The following ST8SIA1 variants were observed in gnomAD, a reference collection of about 807,000 sequenced individuals.
ST8SIA1 encodes alpha-N-acetylneuraminide alpha-2,8-sialyltransferase.
ST8SIA1 carries 16 observed loss-of-function variants against 35.9 expected under a neutral mutation model. The ratio of observed to expected loss-of-function variants is 0.45; its 90% CI spans 0.30 to 0.68. The LOEUF is 0.68. ST8SIA1 is among the 30% of genes least tolerant of loss of function. The probability of loss-of-function intolerance (pLI) is 0.09; values close to 1 mark genes in which losing one functional copy is unlikely to be tolerated. For synonymous variants in ST8SIA1, 170 were observed against 169.6 expected (o/e 1.00, Z -0.02); for missense variants, 383 against 453.6 (o/e 0.84, Z 1.41).
intron 1 of ST8SIA1, among the ~76,000 whole-genome samples, chr12:22,292,201 A>G (rs1370643336): frequency 6.6e-6 from 1 of 152,182 alleles, no homozygotes; most frequent in Non-Finnish European, 1.5e-5. Context: ...CTGCCCTCAA[A>G]AAGTTCCATG....
intron 4 of ST8SIA1, among the ~76,000 whole-genome samples, chr12:22,243,637 A>C (rs985949063): frequency 3.3e-5 from 5 of 152,262 alleles, no homozygotes; most frequent in African/African-American, 1.2e-4. Context: ...TAAAATGGAA[A>C]GTTGATAATT....
rs555978358 is a variant in ST8SIA1, at chr12:22,198,103, TA to T, written c.*3448del. 1.5e-4 allele frequency: 23 copies of T among 152,296 alleles called. No individual in the cohort carries two copies. Among genetic ancestry groups the T allele is most frequent in the Middle Eastern group, 6.8e-3 (2 of 294 alleles). The allele number at this position is 152,296 out of a possible 1,614,324, so 9.4% of individuals were successfully genotyped here. A position where few individuals can be genotyped will look rare whatever the true frequency, so the allele number is the denominator to read the frequency against. On this transcript the variant is annotated 3_prime_UTR_variant, in exon 5 of 5. Coordinates refer to ENST00000396037, the MANE Select transcript of ST8SIA1 (RefSeq NM_003034.4). ...AATGCAGTTCTCAAATCGAGGCTAA[TA>T]AAAACTAAAATTCTATCAGGGTACT...
intron 4 of ST8SIA1, among the ~76,000 whole-genome samples, chr12:22,215,628 A>G (rs745660267): frequency 1.3e-5 from 2 of 152,174 alleles, no homozygotes; most frequent in African/African-American, 2.4e-5. Context: ...CAAACTCACA[A>G]CTTTCCTCCA....
At chr12:22,326,118 T>C (rs1319497301) in intron 1 of ST8SIA1, 1 of 453,350 alleles carries the variant, frequency 2.2e-6, no homozygotes, top group African/African-American at 2.0e-5. Context: ...ACCACAGATA[T>C]GGGAGAACTG....
At chr12:22,280,992 T>C (rs1866027448) in intron 2 of ST8SIA1, among the ~76,000 whole-genome samples, 1 of 152,238 alleles carries the variant, frequency 6.6e-6, no homozygotes, top group African/African-American at 2.4e-5. Flanking sequence ...ACTTTATGTT[T>C]CCCGAAATCC....
rs998136616 is a variant in ST8SIA1, at chr12:22,223,576, C to G, written c.585-21538G>C. 1.5e-5 allele frequency: 16 copies of G among 1,050,480 alleles called. No homozygotes were observed. In the South Asian group the frequency reaches 4.4e-4, roughly 29 times the overall value. The allele number at this position is 1,050,480 out of a possible 1,614,324, so 65.1% of individuals were successfully genotyped here. A position where few individuals can be genotyped will look rare whatever the true frequency, so the allele number is the denominator to read the frequency against. ...AGGAGACAGGGGCCCATTTTTCAAG[C>G]CAGATTCTGATTCAAGCAGCATGAG... On this transcript the variant is annotated intron_variant, in intron 4 of 4. Transcript: ENST00000396037.
chr12:22,286,488 A>C (rs748540152), intron 2 of ST8SIA1: 1 of 518,808 alleles, frequency 1.9e-6, no homozygotes, highest in Non-Finnish European at 3.8e-6. Flanking sequence ...CCTAATTGCA[A>C]TTTTGCCTAA....
In ST8SIA1 at chr12:22,256,432, G is replaced by T. The variant is rs574279625; in HGVS notation, c.382-1043C>A. On this transcript the variant is annotated intron_variant, in intron 2 of 4. Coordinates refer to ENST00000396037, the MANE Select transcript of ST8SIA1 (RefSeq NM_003034.4). Reference sequence around the variant, plus strand: ...CTGCCAGGTACAGAATTTCCTGCTTGCTGAAACGACGCAGAGCAGCTGGAG... The same window carrying T: ...CTGCCAGGTACAGAATTTCCTGCTTTCTGAAACGACGCAGAGCAGCTGGAG... Among the ~76,000 whole-genome samples the T allele has an allele frequency of 2.2e-4, 33 of 152,302 alleles. 1 individual carries two copies. In the South Asian group the frequency reaches 6.8e-3, roughly 32 times the overall value.
Position 22,287,901 on chromosome 12 carries a change from T to C in ST8SIA1, c.237-608A>G, listed in dbSNP as rs1038410958. Among the ~76,000 whole-genome samples the C allele has an allele frequency of 2.6e-5, 4 of 152,220 alleles. 1 individual carries two copies. Among genetic ancestry groups the C allele is most frequent in the African/African-American group, 9.6e-5 (4 of 41,460 alleles). On this transcript the variant is annotated intron_variant, in intron 1 of 4. Coordinates refer to ENST00000396037, the MANE Select transcript of ST8SIA1 (RefSeq NM_003034.4). ...ACTGGAGAGCAACCTACCTTCTCAC[T>C]GCTAAACCTCATGGGCCTTTTTGGT...
chr12:22,329,492 G>A (rs1317334157), intron 1 of ST8SIA1, among the ~76,000 whole-genome samples: 1 of 152,108 alleles, frequency 6.6e-6, no homozygotes, highest in African/African-American at 2.4e-5. Context: ...CATAACTGTA[G>A]CATATTTTCT....
chr12:22,287,054 G>T, intron 2 of ST8SIA1, 95 bp downstream of exon 2: 1 of 1,188,396 alleles, frequency 8.4e-7, no homozygotes, highest in Non-Finnish European at 1.2e-6. Flanking sequence ...AAAACAAAAA[G>T]TCAATCTGAT....
intron 4 of ST8SIA1, among the ~76,000 whole-genome samples, chr12:22,235,071 G>GATAT (rs1264507499): frequency 6.6e-6 from 1 of 152,150 alleles, no homozygotes; most frequent in Non-Finnish European, 1.5e-5. Context: ...TGTGTGCGCA[G>GATAT]GGTGTGTGTG....
intron 1 of ST8SIA1, 28 bp downstream of exon 1, chr12:22,333,969 A>T (rs796767718): frequency 6.9e-6 from 11 of 1,601,656 alleles, no homozygotes; most frequent in Middle Eastern, 1.7e-4. Flanking sequence ...AGGACGCTAG[A>T]GGGGAGGAGC....
chr12:22,313,203 T>C (rs781509562), intron 1 of ST8SIA1, among the ~76,000 whole-genome samples: 12 of 152,240 alleles, frequency 7.9e-5, no homozygotes, highest in Admixed American at 3.9e-4. Flanking sequence ...CATACATTAG[T>C]AGAGAGAACT....
At chr12:22,308,002 G>A (rs1013614664) in intron 1 of ST8SIA1, among the ~76,000 whole-genome samples, 12 of 152,136 alleles carry the variant, frequency 7.9e-5, no homozygotes, top group Non-Finnish European at 1.6e-4. Context: ...TGTTGCCCAG[G>A]CTTGTCTCAA....
intron 2 of ST8SIA1, among the ~76,000 whole-genome samples, chr12:22,274,817 A>G (rs931420856): frequency 5.9e-5 from 9 of 152,200 alleles, no homozygotes; most frequent in Admixed American, 4.6e-4. Flanking sequence ...CCATTTCATC[A>G]TTCATTCAGC....
chr12:22,328,743 G>A (rs371716954), intron 1 of ST8SIA1, among the ~76,000 whole-genome samples: 48 of 152,142 alleles, frequency 3.2e-4, no homozygotes, highest in Admixed American at 2.7e-3. Context: ...ACCTTGAGGC[G>A]AACTAACAAG....
rs183659089 is a variant in ST8SIA1 at position 22,312,955 on chromosome 12, T to C, written c.236+21042A>G. Among the ~76,000 whole-genome samples, 218 of 152,314 alleles carry C rather than the reference T, an allele frequency of 1.4e-3. 2 individuals carry two copies. Among genetic ancestry groups the C allele is most frequent in the Non-Finnish European group, 2.5e-4 (17 of 68,026 alleles). ...ATACAGAGATGATAATTTACATTGA[T>C]ATTTTATGCCATAATTTTGGAATAA... is the stretch of plus-strand genomic sequence containing the variant. On this transcript the variant is annotated intron_variant, in intron 1 of 4. Transcript: ENST00000396037.
chr12:22,214,958 A>T (rs1366513686), intron 4 of ST8SIA1, among the ~76,000 whole-genome samples: 1 of 152,160 alleles, frequency 6.6e-6, no homozygotes, highest in East Asian at 1.9e-4. Flanking sequence ...TCAGCCTGAC[A>T]CTTGATTCTA....
Sources: gnomAD v4.1 joint callset for allele counts (sites outside exome capture counted in the v4.1 genomes callset) on GRCh38, gnomAD v4.1.1 for gene constraint, MANE v1.5 for transcripts, NCBI Gene and HGNC (gene_info 2026-07-23, HGNC 2026-07-21) for gene names.